RHOBTB1: variants seen among roughly 807,000 people sequenced by gnomAD.
The protein encoded by RHOBTB1 is Rho related BTB domain containing 1, also known as rho-related BTB domain-containing protein 1.
In RHOBTB1, 40 loss-of-function variants were observed where a neutral mutation model predicts 71.6. That is an observed-to-expected ratio of 0.56 (90% CI 0.43 to 0.73). The LOEUF (loss-of-function observed/expected upper bound fraction) is 0.73, where lower values mean the gene tolerates loss of function less well. RHOBTB1 is among the 30% of genes least tolerant of loss of function. RHOBTB1 has a pLI of 0.00. For missense variants in RHOBTB1, 797 were observed against 894.0 expected (o/e 0.89, Z 1.38); for synonymous variants, 319 against 334.9 (o/e 0.95, Z 0.52).
At position 60,881,673 on chromosome 10, in the gene RHOBTB1, G is replaced by A. The variant is rs985215898; in HGVS notation, c.1576-3615C>T. 3.3e-5 allele frequency among the ~76,000 whole-genome samples: 5 copies of A among 152,164 alleles called. No homozygotes were observed. In the East Asian group the frequency reaches 7.7e-4, roughly 23 times the overall value. ...CTATTAAAAGCTTTTTCTTCTTCAC[G>A]GAAACTCTGGGTTTTGAAAATCTTC... On this transcript the variant is annotated intron_variant, in intron 7 of 10. Transcript: ENST00000337910.
chr10:60,937,713 C>T (rs2084668848), intron 2 of RHOBTB1, among the ~76,000 whole-genome samples: 1 of 152,182 alleles, frequency 6.6e-6, no homozygotes, highest in Non-Finnish European at 1.5e-5. Context: ...CCCAGAGAGA[C>T]CACTCGGCCT....
At chr10:60,862,788 C>T in the RHOBTB1 span, among the ~76,000 whole-genome samples, 2 of 144,356 alleles carry the variant, frequency 1.4e-5, no homozygotes, top group African/African-American at 2.6e-5. Flanking sequence ...CTCTTTCTTT[C>T]TTCCTTTCTT....
chr10:60,915,556 C>G (rs1311849466), intron 2 of RHOBTB1, among the ~76,000 whole-genome samples: 1 of 152,108 alleles, frequency 6.6e-6, no homozygotes, highest in Non-Finnish European at 1.5e-5. Context: ...CACCAGTACC[C>G]GATGAATCCA....
downstream of RHOBTB1, among the ~76,000 whole-genome samples, chr10:60,865,724 G>A (rs972464348): frequency 3.3e-5 from 5 of 152,160 alleles, no homozygotes; most frequent in African/African-American, 1.2e-4. Context: ...TATTGTCTTA[G>A]TGCTAAGGTA....
At chr10:60,900,405 A>G (rs1344160357) in intron 4 of RHOBTB1, among the ~76,000 whole-genome samples, 2 of 152,324 alleles carry the variant, frequency 1.3e-5, no homozygotes, top group South Asian at 4.1e-4. Flanking sequence ...GTGAACCAAA[A>G]GAGTTCAGAA....
intron 2 of RHOBTB1, among the ~76,000 whole-genome samples, chr10:60,977,377 T>C (rs2086351359): frequency 6.6e-6 from 1 of 152,028 alleles, no homozygotes; most frequent in South Asian, 2.1e-4. Context: ...TATGTATGGC[T>C]GCTTATGCTC....
At chr10:60,873,680 G>C (rs1356182789) in intron 9 of RHOBTB1, among the ~76,000 whole-genome samples, 1 of 152,238 alleles carries the variant, frequency 6.6e-6, no homozygotes, top group Non-Finnish European at 1.5e-5. Flanking sequence ...CCCTGGAACT[G>C]TTTCAAAAGA....
intron 7 of RHOBTB1, among the ~76,000 whole-genome samples, chr10:60,884,448 ATGCT>A (rs2081472752): frequency 6.6e-6 from 1 of 152,318 alleles, no homozygotes; most frequent in African/African-American, 2.4e-5. Flanking sequence ...CTCCACAAAA[ATGCT>A]TGCTCACTCC....
At chr10:60,878,997 C>T (rs1021756744) in intron 7 of RHOBTB1, among the ~76,000 whole-genome samples, 7 of 152,190 alleles carry the variant, frequency 4.6e-5, no homozygotes, top group African/African-American at 1.4e-4. Context: ...TCCTATGCAC[C>T]AGGCACTGCA....
rs773760392 is a variant in RHOBTB1 at position 60,871,455 on chromosome 10, T to C, written c.*27A>G. 5 of 1,607,750 alleles carry C rather than the reference T, an allele frequency of 3.1e-6. No individual in the cohort carries two copies. In the South Asian group the frequency reaches 5.6e-5, roughly 18 times the overall value. ...GTGGATCAGATTACCGATTGGTTTC[T>C]GTTTTTTGTTTTTTTTCTCTTCCTC... On this transcript the variant is annotated 3_prime_UTR_variant, in exon 11 of 11. Transcript: ENST00000337910.
At chr10:61,001,412 AAG>A (rs1245977157) in exon 1 of RHOBTB1, 1 of 151,064 alleles carries the variant, frequency 6.6e-6, no homozygotes, top group Non-Finnish European at 1.5e-5. Context: ...GGGACGCTGG[AAG>A]CTCCCGCGGC....
At chr10:60,891,810 C>T (rs549670411) in intron 5 of RHOBTB1, among the ~76,000 whole-genome samples, 3 of 152,136 alleles carry the variant, frequency 2.0e-5, no homozygotes, top group East Asian at 1.9e-4. Flanking sequence ...GGCTATGTCC[C>T]CACTCAAATC....
rs2086611724 is a variant in RHOBTB1 at position 60,984,921 on chromosome 10, CAA to C, written c.-62+922_-62+923del. ...ATACATCCAATCTATATGCTAATAA[CAA>C]AATGTTCATATGATTTATTATAACA... On this transcript the variant is annotated intron_variant, in intron 2 of 11. Coordinates refer to the RHOBTB1 transcript ENST00000357917. Among the ~76,000 whole-genome samples, 3 of 152,150 alleles carry C rather than the reference CAA, an allele frequency of 2.0e-5. No homozygotes were observed. In the South Asian group the frequency reaches 6.2e-4, roughly 32 times the overall value.
rs187431259 is a variant in RHOBTB1, at chr10:60,893,072, C to A, written c.297-77G>T. The A allele has an allele frequency of 5.4e-5, 58 of 1,072,214 alleles. No homozygotes were observed. The East Asian group carries it at 1.0e-3, about 19-fold the overall frequency. 66.4% of individuals were successfully genotyped at this position (1,072,214 alleles called of 1,614,324 possible). On this transcript the variant is annotated intron_variant, in intron 4 of 10. Coordinates refer to ENST00000337910, the MANE Select transcript of RHOBTB1 (RefSeq NM_014836.5). ...TTTTACCATTATGGTTCCTCTCAAACCCCATCCTTCTAATGCCATCTCATG... is the reference window on the plus strand; with the variant it reads ...TTTTACCATTATGGTTCCTCTCAAAACCCATCCTTCTAATGCCATCTCATG...
intron 2 of RHOBTB1, among the ~76,000 whole-genome samples, chr10:60,956,209 G>A (rs1433016582): frequency 6.6e-6 from 1 of 152,142 alleles, no homozygotes; most frequent in African/African-American, 2.4e-5. Context: ...GTAACACAAT[G>A]ATCAGTATTT....
intron 2 of RHOBTB1, among the ~76,000 whole-genome samples, chr10:60,968,386 A>AT: frequency 6.6e-6 from 1 of 152,222 alleles, no homozygotes; most frequent in East Asian, 1.9e-4. Flanking sequence ...TCCTAGTTCA[A>AT]TGTTTTAAAA....
intron 2 of RHOBTB1, among the ~76,000 whole-genome samples, chr10:60,978,268 T>G (rs2086379927): frequency 6.6e-6 from 1 of 152,136 alleles, no homozygotes; most frequent in African/African-American, 2.4e-5. Context: ...TTAAAACAAC[T>G]TTTTAGTGGC....
chr10:60,878,900 T>C (rs1370312531), intron 7 of RHOBTB1, among the ~76,000 whole-genome samples: 1 of 152,230 alleles, frequency 6.6e-6, no homozygotes, highest in African/African-American at 2.4e-5. Flanking sequence ...TGTAACTCCA[T>C]GAGACAGGCC....
chr10:60,939,881 T>C (rs2084807166), intron 2 of RHOBTB1, among the ~76,000 whole-genome samples: 1 of 152,238 alleles, frequency 6.6e-6, no homozygotes, highest in East Asian at 1.9e-4. Context: ...AAATGATTAT[T>C]ATTAGAGATG....
Sources: gnomAD v4.1 joint callset for allele counts (sites outside exome capture counted in the v4.1 genomes callset) on GRCh38, gnomAD v4.1.1 for gene constraint, MANE v1.5 for transcripts, NCBI Gene and HGNC (gene_info 2026-07-23, HGNC 2026-07-21) for gene names.